GULP1: variants seen among roughly 807,000 people sequenced by gnomAD.
GULP1 encodes GULP PTB domain containing engulfment adaptor 1.
GULP1 carries 19 observed loss-of-function variants against 40.9 expected under a neutral mutation model. That is an observed-to-expected ratio of 0.46 (90% CI 0.32 to 0.68). The LOEUF (loss-of-function observed/expected upper bound fraction) is 0.68, where lower values mean the gene tolerates loss of function less well. GULP1 is among the 30% of genes least tolerant of loss of function. GULP1 has a pLI of 0.03. For synonymous variants in GULP1, 119 were observed against 117.6 expected (o/e 1.01, Z -0.08); for missense variants, 312 against 362.2 (o/e 0.86, Z 1.12).
chr2:188,544,060 T>C (rs1277988251), intron 7 of GULP1, among the ~76,000 whole-genome samples: 1 of 152,134 alleles, frequency 6.6e-6, no homozygotes, highest in Non-Finnish European at 1.5e-5. Context: ...ATTAGAATGC[T>C]GAGCTTCTAT....
rs1179352194 is a variant in GULP1, at chr2:188,352,616, T to TCACACACACACACACACACACA, written c.-171-31146_-171-31145insACACACACACACACACACACAC. Among the ~76,000 whole-genome samples, 97 of 76,028 alleles carry TCACACACACACACACACACACA rather than the reference T, an allele frequency of 1.3e-3. No individual in the cohort carries two copies. The East Asian group carries it at 0.04, about 31-fold the overall frequency. 49.9% of individuals were successfully genotyped at this position (76,028 alleles called of 152,430 possible). ...CTTGCTCTCTTTCTCTCTCTCTCTC[T>TCACACACACACACACACACACA]CTCACACACACACACACACACACAC... On this transcript the variant is annotated intron_variant, in intron 1 of 11. Transcript: ENST00000409830.
intron 1 of GULP1, among the ~76,000 whole-genome samples, chr2:188,355,476 T>G (rs929423258): frequency 6.6e-6 from 1 of 151,780 alleles, no homozygotes; most frequent in Non-Finnish European, 1.5e-5. Context: ...CAAGACTGAA[T>G]TAAAAAGAAA....
At chr2:188,490,332 T>C (rs1241424153) in intron 4 of GULP1, among the ~76,000 whole-genome samples, 1 of 152,114 alleles carries the variant, frequency 6.6e-6, no homozygotes, top group Non-Finnish European at 1.5e-5. Context: ...TATTGCGATA[T>C]ACTGTTCCTA....
intron 2 of GULP1, among the ~76,000 whole-genome samples, chr2:188,416,956 G>C (rs1030396059): frequency 6.6e-6 from 1 of 151,996 alleles, no homozygotes; most frequent in Admixed American, 6.5e-5. Context: ...TTGTATGTTC[G>C]GTTTTTGAAA....
chr2:188,451,041 G>A (rs538147027), intron 2 of GULP1, among the ~76,000 whole-genome samples: 1 of 152,282 alleles, frequency 6.6e-6, no homozygotes, highest in South Asian at 2.1e-4. Flanking sequence ...CCAAAATGTA[G>A]TGACTCTTTT....
At chr2:188,390,200 T>G (rs545612519) in intron 2 of GULP1, among the ~76,000 whole-genome samples, 13 of 152,304 alleles carry the variant, frequency 8.5e-5, no homozygotes, top group African/African-American at 2.9e-4. Context: ...ATGTTCATGC[T>G]GTATTCCATA....
At chr2:188,455,716 A>G (rs2059201595) in intron 2 of GULP1, among the ~76,000 whole-genome samples, 1 of 152,222 alleles carries the variant, frequency 6.6e-6, no homozygotes, top group South Asian at 2.1e-4. Context: ...CTGAAAAGAT[A>G]ACTGAAAATG....
chr2:188,563,182 G>A (rs927115436), intron 7 of GULP1, among the ~76,000 whole-genome samples: 28 of 151,926 alleles, frequency 1.8e-4, no homozygotes, highest in African/African-American at 6.8e-4. Context: ...CAATGACATT[G>A]AAATTGGACA....
At chr2:188,551,978 A>T (rs1693568609) in intron 7 of GULP1, among the ~76,000 whole-genome samples, 1 of 151,754 alleles carries the variant, frequency 6.6e-6, no homozygotes, top group South Asian at 2.1e-4. Flanking sequence ...TTCCTCCGGG[A>T]AATGTCTATT....
intron 2 of GULP1, among the ~76,000 whole-genome samples, chr2:188,398,131 G>A (rs2051556419): frequency 6.6e-6 from 1 of 152,124 alleles, no homozygotes; most frequent in South Asian, 2.1e-4. Flanking sequence ...ACAGAGTCAG[G>A]GACTGATGTG....
At chr2:188,380,703 A>T (rs531929556) in intron 1 of GULP1, among the ~76,000 whole-genome samples, 15 of 152,308 alleles carry the variant, frequency 9.8e-5, no homozygotes, top group Admixed American at 6.5e-4. Flanking sequence ...GGACTTAGGT[A>T]AAAAAGAGAA....
rs892402069 is a variant in GULP1 at position 188,595,782 on chromosome 2, C to T, written c.*1771C>T. ...TAATGGTAATCAACTCTGCTACTGG[C>T]ATGATGAAATAGTACATAACTGGTC... is the stretch of plus-strand genomic sequence containing the variant. On this transcript the variant is annotated 3_prime_UTR_variant, in exon 12 of 12. Transcript: ENST00000409830. The T allele has an allele frequency of 2.0e-5, 3 of 152,164 alleles. No individual in the cohort carries two copies. The highest frequency in any genetic ancestry group is 7.2e-5 in the African/African-American group (3 of 41,380). The allele number at this position is 152,164 out of a possible 1,614,324, so 9.4% of individuals were successfully genotyped here. A position where few individuals can be genotyped will look rare whatever the true frequency, so the allele number is the denominator to read the frequency against.
At chr2:188,444,503 C>A (rs1320626481) in intron 2 of GULP1, among the ~76,000 whole-genome samples, 7 of 152,138 alleles carry the variant, frequency 4.6e-5, no homozygotes, top group Non-Finnish European at 8.8e-5. Context: ...TATTATCTCT[C>A]AAAGTATTTT....
intron 3 of GULP1, among the ~76,000 whole-genome samples, chr2:188,479,875 G>A (rs183683945): frequency 4.5e-4 from 69 of 152,248 alleles, no homozygotes; most frequent in Middle Eastern, 3.4e-3. Context: ...GAATAGTGGA[G>A]TGATTTGGAG....
At chr2:188,551,761 G>A (rs373915817) in intron 7 of GULP1, among the ~76,000 whole-genome samples, 7 of 151,412 alleles carry the variant, frequency 4.6e-5, no homozygotes, top group Non-Finnish European at 1.0e-4. Context: ...ACTGTTTTCC[G>A]TAGTAGCTTT....
intron 10 of GULP1, among the ~76,000 whole-genome samples, chr2:188,585,227 A>C (rs538532383): frequency 4.9e-4 from 75 of 152,288 alleles, no homozygotes; most frequent in South Asian, 1.0e-3. Context: ...GTGGCTCTGC[A>C]GGGTACAGCC....
chr2:188,472,142 A>G (rs922926064), intron 2 of GULP1, among the ~76,000 whole-genome samples: 2 of 152,068 alleles, frequency 1.3e-5, no homozygotes, highest in African/African-American at 4.8e-5. Flanking sequence ...TGCCAGATGT[A>G]TTGGAACTCC....
chr2:188,516,737 T>G (rs151079476), intron 4 of GULP1, among the ~76,000 whole-genome samples: 216 of 152,286 alleles, frequency 1.4e-3, no homozygotes, highest in Middle Eastern at 0.01. Context: ...AATTTCCTAG[T>G]TATGGTAGTT....
chr2:188,468,632 A>C (rs2060328035), intron 2 of GULP1, among the ~76,000 whole-genome samples: 1 of 152,216 alleles, frequency 6.6e-6, no homozygotes, highest in African/African-American at 2.4e-5. Context: ...GAAAGCACTC[A>C]TTAGTGTGAG....
Sources: allele counts gnomAD v4.1 joint callset (sites outside exome capture counted in the v4.1 genomes callset), GRCh38; gene constraint gnomAD v4.1.1; transcripts MANE v1.5; gene names NCBI Gene and HGNC (gene_info 2026-07-23, HGNC 2026-07-21).